The following OPCML variants were observed in gnomAD, a reference collection of about 807,000 sequenced individuals.
The protein encoded by OPCML is opioid binding protein/cell adhesion molecule like, also known as opioid-binding protein/cell adhesion molecule.
Under a neutral mutation model 37.8 loss-of-function variants are expected in OPCML, and 13 were observed. The observed-to-expected ratio is 0.34, with a 90% CI of 0.22 to 0.55. The LOEUF (loss-of-function observed/expected upper bound fraction) is 0.55, where lower values mean the gene tolerates loss of function less well. Ranked by LOEUF, OPCML falls within the 20% of genes least tolerant of loss-of-function variation. The pLI is 0.91. For missense variants in OPCML, 341 were observed against 435.6 expected (o/e 0.78, Z 1.93); for synonymous variants, 176 against 168.8 (o/e 1.04, Z -0.33).
At chr11:132,633,706 T>A (rs1419232264) in intron 3 of OPCML, among the ~76,000 whole-genome samples, 1 of 151,790 alleles carries the variant, frequency 6.6e-6, no homozygotes, top group Non-Finnish European at 1.5e-5. Context: ...TTCTCCCTGG[T>A]GGTAAGGGGT....
intron 1 of OPCML, among the ~76,000 whole-genome samples, chr11:133,456,780 C>CAAAAA (rs34351764): frequency 8.2e-5 from 10 of 122,322 alleles, no homozygotes; most frequent in African/African-American, 2.8e-4. Flanking sequence ...CCAATCAGAC[C>CAAAAA]AAAAAAAAAA....
At chr11:132,956,472 C>G (rs116650634) in intron 1 of OPCML, among the ~76,000 whole-genome samples, 2,996 of 152,262 alleles carry the variant, frequency 0.02, 98 homozygotes, top group African/African-American at 0.068. Flanking sequence ...CTCAGGGTCT[C>G]TCATATGCTC....
intron 1 of OPCML, among the ~76,000 whole-genome samples, chr11:133,309,195 T>A (rs1400648047): frequency 6.6e-6 from 1 of 152,176 alleles, no homozygotes. Flanking sequence ...ATAAAGTAAC[T>A]GTGCAATGAA....
chr11:132,724,287 G>A (rs1944789335), intron 2 of OPCML, among the ~76,000 whole-genome samples: 1 of 152,116 alleles, frequency 6.6e-6, no homozygotes. Flanking sequence ...AATTGACTAA[G>A]AATAAATTCT....
chr11:132,453,561 TC>T (rs2096073900), intron 4 of OPCML, among the ~76,000 whole-genome samples: 1 of 152,188 alleles, frequency 6.6e-6, no homozygotes, highest in Non-Finnish European at 1.5e-5. Flanking sequence ...CAGTCTTATG[TC>T]ATCTAATTGT....
intron 3 of OPCML, among the ~76,000 whole-genome samples, chr11:132,625,397 G>C (rs188869570): frequency 1.3e-5 from 2 of 152,238 alleles, no homozygotes; most frequent in East Asian, 1.9e-4. Context: ...TGTCACCTCA[G>C]ATGTTTCTTC....
intron 4 of OPCML, among the ~76,000 whole-genome samples, chr11:132,508,089 C>T (rs927090252): frequency 1.3e-5 from 2 of 152,032 alleles, no homozygotes; most frequent in Admixed American, 1.3e-4. Context: ...AGAAATATTG[C>T]TATTACAATA....
intron 1 of OPCML, among the ~76,000 whole-genome samples, chr11:133,293,512 C>T (rs1157271518): frequency 2.6e-5 from 4 of 152,154 alleles, no homozygotes; most frequent in Non-Finnish European, 2.9e-5. Context: ...TAAATGCTGG[C>T]TACTAAGTAA....
At chr11:133,305,907 G>A (rs1417892637) in intron 1 of OPCML, among the ~76,000 whole-genome samples, 1 of 152,170 alleles carries the variant, frequency 6.6e-6, no homozygotes, top group African/African-American at 2.4e-5. Flanking sequence ...CGACTCACCA[G>A]TAATTTGACA....
At chr11:133,202,614 GT>G (rs1365310910) in intron 1 of OPCML, among the ~76,000 whole-genome samples, 3 of 152,204 alleles carry the variant, frequency 2.0e-5, no homozygotes, top group Non-Finnish European at 2.9e-5. Flanking sequence ...TCTGTCCCTT[GT>G]TTTCGATGAT....
chr11:132,569,867 G>T (rs950253628), intron 3 of OPCML, among the ~76,000 whole-genome samples: 6 of 151,622 alleles, frequency 4.0e-5, no homozygotes, highest in Admixed American at 3.3e-4. Flanking sequence ...TTAAGAGGGA[G>T]GATAAAATAC....
chr11:133,275,350 G>A (rs2136492395), intron 1 of OPCML, among the ~76,000 whole-genome samples: 1 of 152,252 alleles, frequency 6.6e-6, no homozygotes, highest in Non-Finnish European at 1.5e-5. Flanking sequence ...CCAAGTAACA[G>A]TGTCTACTTC....
intron 1 of OPCML, among the ~76,000 whole-genome samples, chr11:132,957,899 G>C (rs112558989): frequency 6.6e-6 from 1 of 152,074 alleles, no homozygotes; most frequent in Non-Finnish European, 1.5e-5. Context: ...AGGCCTCCCT[G>C]TTCCCTGAGA....
At chr11:132,450,760 T>C (rs2096066465) in intron 4 of OPCML, among the ~76,000 whole-genome samples, 3 of 152,142 alleles carry the variant, frequency 2.0e-5, no homozygotes, top group Admixed American at 1.3e-4. Flanking sequence ...TTCCTCACCA[T>C]TGAGGAAGTA....
At chr11:132,471,461 T>A (rs2096137791) in intron 4 of OPCML, among the ~76,000 whole-genome samples, 1 of 152,240 alleles carries the variant, frequency 6.6e-6, no homozygotes, top group Non-Finnish European at 1.5e-5. Flanking sequence ...TGACTGTTTC[T>A]GTCTCAGTGT....
intron 1 of OPCML, chr11:133,008,481 G>A (rs1409483025): frequency 1.1e-6 from 1 of 943,846 alleles, no homozygotes; most frequent in Admixed American, 6.2e-5. Flanking sequence ...TTCCCTTTGG[G>A]AGAGAAGAAC....
At chr11:132,954,647 C>T (rs370576061) in intron 1 of OPCML, among the ~76,000 whole-genome samples, 3 of 152,042 alleles carry the variant, frequency 2.0e-5, no homozygotes, top group African/African-American at 4.8e-5. Flanking sequence ...TTGGATATTT[C>T]GGTGTTGAGC....
At chr11:133,141,104 A>AAGAAGAAGAAGAAGCAGC (rs1565469412) in intron 1 of OPCML, among the ~76,000 whole-genome samples, 1 of 135,184 alleles carries the variant, frequency 7.4e-6, no homozygotes, top group Non-Finnish European at 1.6e-5. Flanking sequence ...GGAGAAGAAG[A>AAGAAGAAGAAGAAGCAGC]AGCAGCTGAA....
At chr11:132,760,668 T>C (rs1946230882) in intron 2 of OPCML, among the ~76,000 whole-genome samples, 3 of 151,640 alleles carry the variant, frequency 2.0e-5, no homozygotes, top group Non-Finnish European at 2.9e-5. Flanking sequence ...TATTCCTCCA[T>C]CCCTATATTT....
Sources: allele counts gnomAD v4.1 joint callset (sites outside exome capture counted in the v4.1 genomes callset), GRCh38; gene constraint gnomAD v4.1.1; transcripts MANE v1.5; gene names NCBI Gene and HGNC (gene_info 2026-07-23, HGNC 2026-07-21).